The following VWA3B variants were observed in gnomAD, a reference collection of about 807,000 sequenced individuals.
VWA3B encodes von Willebrand factor A domain-containing protein 3B.
In VWA3B, 138 loss-of-function variants were observed where a neutral mutation model predicts 158.3. That is an observed-to-expected ratio of 0.87 (90% CI 0.76 to 1.00). The LOEUF (loss-of-function observed/expected upper bound fraction) is 1.00, where lower values mean the gene tolerates loss of function less well. Ranked by LOEUF, VWA3B falls within the 50% of genes least tolerant of loss-of-function variation. The pLI is 0.00. For synonymous variants in VWA3B, 596 were observed against 587.3 expected (o/e 1.01, Z -0.21); for missense variants, 1,555 against 1,565.1 (o/e 0.99, Z 0.11).
At chr2:98,179,627 C>T (rs1466243501) in intron 8 of VWA3B, among the ~76,000 whole-genome samples, 1 of 151,994 alleles carries the variant, frequency 6.6e-6, no homozygotes, top group Non-Finnish European at 1.5e-5. Flanking sequence ...TTCACGTGAC[C>T]TACCTTCCTT....
At chr2:98,088,613 G>T (rs148517058) in intron 1 of VWA3B, among the ~76,000 whole-genome samples, 2 of 152,072 alleles carry the variant, frequency 1.3e-5, no homozygotes, top group African/African-American at 4.8e-5. Flanking sequence ...AAAACTTAGG[G>T]CAATGCTCAA....
At chr2:98,323,043 A>G in the VWA3B span, among the ~76,000 whole-genome samples, 7 of 152,228 alleles carry the variant, frequency 4.6e-5, no homozygotes, top group Non-Finnish European at 8.8e-5. Flanking sequence ...ACTAGAATAT[A>G]TTGCCTGCAG....
chr2:98,314,034 G>GTTTTGGAAT (rs1234362850), downstream of VWA3B, among the ~76,000 whole-genome samples: 1 of 152,168 alleles, frequency 6.6e-6, no homozygotes, highest in Admixed American at 6.5e-5. Context: ...CCAAAACACT[G>GTTTTGGAAT]GGCGTCAGGT....
At chr2:98,255,181 TA>T (rs1389792286) in intron 20 of VWA3B, among the ~76,000 whole-genome samples, 5 of 103,720 alleles carry the variant, frequency 4.8e-5, no homozygotes, top group African/African-American at 1.2e-4. Context: ...GCCCGGCTGA[TA>T]TTTTTTTTTT....
intron 12 of VWA3B, among the ~76,000 whole-genome samples, chr2:98,196,925 A>C (rs1217120350): frequency 6.6e-6 from 1 of 152,198 alleles, no homozygotes; most frequent in Non-Finnish European, 1.5e-5. Context: ...GCTTTCTCCA[A>C]TGTTCACCTC....
At chr2:98,238,634 T>G (rs1358139418) in intron 19 of VWA3B, among the ~76,000 whole-genome samples, 3 of 151,706 alleles carry the variant, frequency 2.0e-5, no homozygotes, top group Admixed American at 2.0e-4. Flanking sequence ...GAAGAAACAA[T>G]AAAGGAAAGA....
downstream of VWA3B, among the ~76,000 whole-genome samples, chr2:98,315,526 A>G (rs1270194512): frequency 6.6e-6 from 1 of 152,240 alleles, no homozygotes; most frequent in Non-Finnish European, 1.5e-5. Flanking sequence ...CAGATATTCA[A>G]AAAGAGACTG....
At chr2:98,261,603 C>T (rs1336601535) in intron 21 of VWA3B, among the ~76,000 whole-genome samples, 2 of 151,692 alleles carry the variant, frequency 1.3e-5, no homozygotes, top group Non-Finnish European at 3.0e-5. Context: ...TAGTAACAAA[C>T]TCTCTTACCT....
At chr2:98,181,262 G>A (rs770979014) in intron 9 of VWA3B, 50 bp downstream of exon 9, 2 of 1,584,668 alleles carry the variant, frequency 1.3e-6, no homozygotes, top group African/African-American at 2.7e-5. Context: ...CTCAAGTCCT[G>A]GGTGGGTGAG....
At chr2:98,265,692 C>T in intron 21 of VWA3B, among the ~76,000 whole-genome samples, 1 of 148,622 alleles carries the variant, frequency 6.7e-6, no homozygotes. Context: ...TCTCCACATC[C>T]TCTCCAGCAC....
chr2:98,161,926 C>T (rs139238187), intron 7 of VWA3B, among the ~76,000 whole-genome samples: 446 of 152,268 alleles, frequency 2.9e-3, no homozygotes, highest in African/African-American at 9.9e-3. Context: ...AGCCTGGTCT[C>T]GAACTCCTGA....
At chr2:98,266,058 A>C (rs1226131018) in intron 21 of VWA3B, among the ~76,000 whole-genome samples, 3 of 148,958 alleles carry the variant, frequency 2.0e-5, no homozygotes, top group Non-Finnish European at 4.5e-5. Context: ...ATTAGATCCC[A>C]TTTGTCAATT....
At position 98,216,883 on chromosome 2, in the gene VWA3B, G is replaced by A. The variant is rs571262634; in HGVS notation, c.1837-963G>A. Reference sequence around the variant, plus strand: ...CATTCAGATGGGCAGTGCTGGATGAGCTTCAAGCCCAAGTCTCTCGCTCTG... The same window carrying A: ...CATTCAGATGGGCAGTGCTGGATGAACTTCAAGCCCAAGTCTCTCGCTCTG... On this transcript the variant is annotated intron_variant, in intron 13 of 27. Coordinates refer to ENST00000477737, the MANE Select transcript of VWA3B (RefSeq NM_144992.5). 3,037 of 1,254,626 alleles carry A rather than the reference G, an allele frequency of 2.4e-3. 7 individuals are homozygous for A. Among genetic ancestry groups the A allele is most frequent in the Non-Finnish European group, 2.9e-3 (2,747 of 944,254 alleles). 77.7% of individuals were successfully genotyped at this position (1,254,626 alleles called of 1,614,324 possible). A position where few individuals can be genotyped will look rare whatever the true frequency, so the allele number is the denominator to read the frequency against.
chr2:98,096,497 G>A (rs2104827817), intron 2 of VWA3B, among the ~76,000 whole-genome samples: 1 of 152,202 alleles, frequency 6.6e-6, no homozygotes, highest in East Asian at 1.9e-4. Flanking sequence ...TCGAATTCCT[G>A]ACCTCAGCTG....
At chr2:98,216,687 A>G (rs1684016520) in intron 13 of VWA3B, 1 of 471,358 alleles carries the variant, frequency 2.1e-6, no homozygotes, top group Non-Finnish European at 4.4e-6. Context: ...GCTTGGCCTT[A>G]TCCTAGGCTG....
At position 98,311,825 on chromosome 2, in the gene VWA3B, T is replaced by C; in HGVS notation, c.3528T>C (p.Asp1176=). The C allele has an allele frequency of 1.2e-6, 2 of 1,604,194 alleles. No individual in the cohort carries two copies. Among genetic ancestry groups the C allele is most frequent in the Non-Finnish European group, 1.7e-6 (2 of 1,175,466 alleles). ...GATCTCTCTCTGTCTCTAGAGAGGA[T>C]GTGGAGGCGAGGAACTCTGCTTTCC... The part of the protein sequence containing the change: ...PPIPEDPEVE[D]VEARNSAFLF... Residue 1176 remains aspartate (D), a synonymous_variant, in exon 27 of 28, where the codon GAT becomes GAC. Transcript: ENST00000477737.
At chr2:98,212,666 G>T (rs1683631579) in intron 13 of VWA3B, among the ~76,000 whole-genome samples, 1 of 152,192 alleles carries the variant, frequency 6.6e-6, no homozygotes, top group Non-Finnish European at 1.5e-5. Context: ...TTGTGAGATG[G>T]TTTGCATATG....
At chr2:98,307,083 A>G (rs1031914825) in intron 26 of VWA3B, among the ~76,000 whole-genome samples, 3 of 152,204 alleles carry the variant, frequency 2.0e-5, no homozygotes, top group Non-Finnish European at 4.4e-5. Flanking sequence ...TTTCTCACTT[A>G]CTTTACAAAT....
intron 2 of VWA3B, among the ~76,000 whole-genome samples, chr2:98,093,822 T>C (rs1682527819): frequency 6.6e-6 from 1 of 152,186 alleles, no homozygotes; most frequent in South Asian, 2.1e-4. Context: ...CAGCCTCTGA[T>C]AAGCATCACT....
Sources: allele counts gnomAD v4.1 joint callset (sites outside exome capture counted in the v4.1 genomes callset), GRCh38; gene constraint gnomAD v4.1.1; transcripts MANE v1.5; gene names NCBI Gene and HGNC (gene_info 2026-07-23, HGNC 2026-07-21).